Variants in SYNE1 observed in about 807,000 individuals in gnomAD.
SYNE1 encodes the protein nesprin-1.
In SYNE1, 616 loss-of-function variants were observed where a neutral mutation model predicts 1,111.0. The observed-to-expected ratio is 0.55, with a 90% confidence interval of 0.52 to 0.59. The LOEUF is 0.59. Among genes scored for constraint, SYNE1 ranks in the 20% least tolerant of loss-of-function variants. SYNE1 has a pLI of 0.00. For missense variants in SYNE1, 10,006 were observed against 10,417.0 expected, an observed-to-expected ratio of 0.96 and a Z score of 1.72; for synonymous variants, 3,855 against 3,825.8, an observed-to-expected ratio of 1.01 and a Z score of -0.28.
intron 135 of SYNE1, among the ~76,000 whole-genome samples, chr6:152,150,569 T>C (rs752574959): frequency 1.7e-4 from 26 of 152,176 alleles, no homozygotes; most frequent in Non-Finnish European, 2.6e-4. Context: ...TGTTTTATCA[T>C]AACAACCCAA....
chr6:152,310,134 ATGTT>A, intron 89 of SYNE1, 117 bp from the exon 90 acceptor site: 1 of 1,055,928 alleles, frequency 9.5e-7, no homozygotes, highest in Non-Finnish European at 1.4e-6. Flanking sequence ...AAAAAAAAAA[ATGTT>A]TAAAACAGTG....
chr6:152,125,510 A>T lies in SYNE1; in HGVS notation c.26154-2834T>A. 2 of 1,058,972 alleles carry T rather than the reference A, an allele frequency of 1.9e-6. 1 individual carries two copies. The highest frequency in any genetic ancestry group is 4.1e-5 in the South Asian group (2 of 49,138). 65.6% of individuals were successfully genotyped at this position (1,058,972 alleles called of 1,614,324 possible). ...GCAATGATTCAATGGTTTGCCTTAA[A>T]GTGTCTTAAGAAGGATAGGATAGCT... On this transcript the variant is annotated intron_variant, in intron 145 of 145. Coordinates refer to ENST00000367255, the MANE Select transcript of SYNE1 (RefSeq NM_182961.4).
intron 3 of SYNE1, among the ~76,000 whole-genome samples, chr6:152,598,681 A>C (rs2128615322): frequency 6.6e-6 from 1 of 152,330 alleles, no homozygotes; most frequent in South Asian, 2.1e-4. Flanking sequence ...ACAATGTGGC[A>C]ATTAGTCATC....
intron 38 of SYNE1, among the ~76,000 whole-genome samples, chr6:152,427,378 C>T (rs2154197206): frequency 6.6e-6 from 1 of 152,302 alleles, no homozygotes; most frequent in East Asian, 1.9e-4. Flanking sequence ...CAACCTCTTT[C>T]ATCTATATTC....
intron 91 of SYNE1, chr6:152,302,307 A>G (rs2095219549): frequency 1.7e-6 from 1 of 591,292 alleles, no homozygotes; most frequent in Non-Finnish European, 3.0e-6. Flanking sequence ...CAAAAGGAGA[A>G]ATGAGGGGAT....
chr6:152,130,848 T>A, intron 144 of SYNE1, 70 bp from the exon 145 acceptor site: 1 of 1,522,946 alleles, frequency 6.6e-7, no homozygotes, highest in Admixed American at 1.7e-5. Flanking sequence ...AAGCTACTAA[T>A]GAAAATTAAA....
chr6:152,615,178 C>T (rs1327923307), intron 3 of SYNE1, among the ~76,000 whole-genome samples: 6 of 152,080 alleles, frequency 3.9e-5, no homozygotes, highest in Non-Finnish European at 8.8e-5. Flanking sequence ...TTCAGGATCA[C>T]AACATTTCAA....
chr6:152,223,608 ACT>A (rs2080765697), intron 117 of SYNE1, among the ~76,000 whole-genome samples: 3 of 149,952 alleles, frequency 2.0e-5, no homozygotes, highest in African/African-American at 7.4e-5. Context: ...ACAGAGCGAG[ACT>A]CTGTCTCAAA....
chr6:152,507,870 CTA>C (rs2099066178), intron 8 of SYNE1, among the ~76,000 whole-genome samples: 1 of 152,124 alleles, frequency 6.6e-6, no homozygotes, highest in Non-Finnish European at 1.5e-5. Flanking sequence ...GAGGGCTTAA[CTA>C]TCTTATGTTA....
intron 66 of SYNE1, among the ~76,000 whole-genome samples, 186 bp from the exon 67 acceptor site, chr6:152,355,162 A>T (rs1025829677): frequency 2.0e-5 from 3 of 152,152 alleles, no homozygotes; most frequent in African/African-American, 7.2e-5. Flanking sequence ...GATTCCTAAA[A>T]CTTTTTCAAT....
At chr6:152,144,772 T>C (rs2059173528) in intron 137 of SYNE1, 1 of 153,218 alleles carries the variant, frequency 6.5e-6, no homozygotes, top group Admixed American at 6.5e-5. Context: ...TCAAACTCTA[T>C]TCCCCGCCGA....
At chr6:152,239,163 C>T (rs975799352) in intron 108 of SYNE1, among the ~76,000 whole-genome samples, 2 of 152,142 alleles carry the variant, frequency 1.3e-5, no homozygotes, top group Non-Finnish European at 2.9e-5. Context: ...GTGATCCACC[C>T]GCCTCAGCCT....
At chr6:152,337,099 C>G (rs2096408542) in intron 75 of SYNE1, 82 bp from the exon 76 acceptor site, 1 of 1,428,110 alleles carries the variant, frequency 7.0e-7, no homozygotes, top group Non-Finnish European at 9.6e-7. Flanking sequence ...AACTTTCCAG[C>G]TGGCCTGTGC....
intron 3 of SYNE1, among the ~76,000 whole-genome samples, chr6:152,558,538 G>A (rs747543828): frequency 5.3e-5 from 8 of 152,246 alleles, no homozygotes; most frequent in Non-Finnish European, 1.0e-4. Context: ...GAACAAGGAT[G>A]GCTATCCTTA....
chr6:152,532,832 C>A (rs577812181), intron 4 of SYNE1, among the ~76,000 whole-genome samples: 3 of 152,158 alleles, frequency 2.0e-5, no homozygotes, highest in Non-Finnish European at 4.4e-5. Flanking sequence ...CAGGACCAGT[C>A]TGGAGTTTTG....
In SYNE1 at chr6:152,268,548, A is replaced by G. The variant is rs535021339; in HGVS notation, c.18706-383T>C. Among the ~76,000 whole-genome samples, 3 of 152,290 alleles carry G rather than the reference A, an allele frequency of 2.0e-5. No individual in the cohort carries two copies. The South Asian group carries it at 6.2e-4, about 32-fold the overall frequency. The stretch of plus-strand genomic sequence containing the variant: ...GCTTTTTAAGTTCTCCACTTAATTG[A>G]TAAATTAGGTTATCAATAGATTTGG... On this transcript the variant is annotated intron_variant, in intron 99 of 145. Coordinates refer to ENST00000367255, the MANE Select transcript of SYNE1 (RefSeq NM_182961.4).
chr6:152,176,474 T>C lies in SYNE1; in HGVS notation c.23547A>G (p.Glu7849=), dbSNP rs1057522829. ...MGERLAKASH[E]SKASEIEYKL... is the part of the protein sequence containing the mutation. ...TGTATTCAATCTCAGATGCTTTGCT[T>C]TCATGGCTGGCTTTAGCAAGTCGTT... is the stretch of plus-strand genomic sequence containing the variant. Residue 7849 remains glutamate, a synonymous_variant, in exon 130 of 146, where the codon GAA becomes GAG. Transcript: ENST00000367255. The C allele has an allele frequency of 1.9e-6, 3 of 1,614,200 alleles. No individual in the cohort carries two copies. Among genetic ancestry groups the C allele is most frequent in the East Asian group, 4.5e-5 (2 of 44,886 alleles).
rs749982847 is a variant in SYNE1, at chr6:152,132,127, T to G, written c.26089A>C (p.Lys8697Gln). ...TSGRSTPNRQKTPRGKCSLSQ... is the reference protein window; with the variant it reads ...TSGRSTPNRQQTPRGKCSLSQ... ...AACGACCAGTGGAAAGTTACCGTTT[T>G]CTGTCTGTTTGGGGTGCTCCTTCCT... is the stretch of plus-strand genomic sequence containing the variant. The change falls in exon 144 of 146, where the codon AAA becomes CAA. Residue 8697 changes from lysine (K) to glutamine (Q), a missense_variant. By Grantham distance (53) the Lys-to-Gln change is moderately conservative (BLOSUM62 1). Transcript: ENST00000367255. 2.5e-6 allele frequency: 4 copies of G among 1,614,076 alleles called. No individual in the cohort carries two copies. The South Asian group carries it at 4.4e-5, about 18-fold the overall frequency.
At chr6:152,240,114 G>A (rs1271100553) in intron 107 of SYNE1, among the ~76,000 whole-genome samples, 2 of 152,110 alleles carry the variant, frequency 1.3e-5, no homozygotes, top group Admixed American at 6.6e-5. Context: ...AGGAGTGCGC[G>A]AGGAGTCCTT....
Sources: allele counts gnomAD v4.1 joint callset (sites outside exome capture counted in the v4.1 genomes callset), GRCh38; gene constraint gnomAD v4.1.1; transcripts MANE v1.5; gene names NCBI Gene and HGNC (gene_info 2026-07-23, HGNC 2026-07-21).